Variants in ADPRHL1 observed in about 807,000 individuals in gnomAD.
The protein encoded by ADPRHL1 is inactive ADP-ribosyltransferase ARH2.
Under a neutral mutation model 44.1 loss-of-function variants are expected in ADPRHL1, and 43 were observed. The ratio of observed to expected loss-of-function variants is 0.98; its 90% CI spans 0.76 to 1.26. The LOEUF (loss-of-function observed/expected upper bound fraction) is 1.26, where lower values mean the gene tolerates loss of function less well. ADPRHL1 is among the 50% of genes most tolerant of loss of function. The pLI, the probability that ADPRHL1 is intolerant of heterozygous loss-of-function variation, is 0.00. For synonymous variants in ADPRHL1, 878 were observed against 1,017.4 expected (o/e 0.86, Z 2.61); for missense variants, 2,022 against 2,496.9 (o/e 0.81, Z 4.05).
At chr13:113,450,281 C>T (rs1438170983) in intron 1 of ADPRHL1, among the ~76,000 whole-genome samples, 1 of 152,132 alleles carries the variant, frequency 6.6e-6, no homozygotes, top group Admixed American at 6.5e-5. Context: ...ATTTAAAGAA[C>T]AAAGATAAAC....
intron 1 of ADPRHL1, among the ~76,000 whole-genome samples, chr13:113,448,742 C>T (rs1347241762): frequency 6.6e-6 from 1 of 152,216 alleles, no homozygotes; most frequent in East Asian, 1.9e-4. Context: ...AGGGCAGAGA[C>T]ATGTCAGATG....
rs1595537269 is a variant in ADPRHL1, at chr13:113,409,268, C to T, written c.1062-1048G>A. On this transcript the variant is annotated intron_variant, in intron 7 of 7. Coordinates refer to ENST00000612156, the MANE Select transcript of ADPRHL1 (RefSeq NM_001394807.1). This position sits in a 1 kb window ranked among gnomAD's most constrained non-coding sequence, Gnocchi z 4.2. Reference sequence around the variant, plus strand: ...CCACAGGAGCAAAGCTGGAAGGTCTCCCCATCTGTGGCAGGGGGTGGAGCC... The same window carrying T: ...CCACAGGAGCAAAGCTGGAAGGTCTTCCCATCTGTGGCAGGGGGTGGAGCC... 1.0e-6 allele frequency: 1 copy of T among 984,516 alleles called. No individual in the cohort carries two copies. The highest frequency in any genetic ancestry group is 1.2e-6 in the Non-Finnish European group (1 of 829,244). 61.0% of individuals were successfully genotyped at this position (984,516 alleles called of 1,614,324 possible). A position where few individuals can be genotyped will look rare whatever the true frequency, so the allele number is the denominator to read the frequency against.
chr13:113,428,912 T>A lies in ADPRHL1; in HGVS notation c.646+40A>T, dbSNP rs746937234. 50 of 1,609,812 alleles carry A rather than the reference T, an allele frequency of 3.1e-5. No individual in the cohort carries two copies. The Admixed American group carries it at 8.2e-4, about 26-fold the overall frequency. On this transcript the variant is annotated intron_variant, in intron 4 of 7. Coordinates refer to ENST00000612156, the MANE Select transcript of ADPRHL1 (RefSeq NM_001394807.1). ...CATGGAGGGGCTGGATCTGTCCAGA[T>A]CTGCTCTGAGTGCGGACTGGGGCCG...
At chr13:113,429,113 A>AGG (rs386380796) in intron 3 of ADPRHL1, 21 bp from the exon 4 acceptor site, 6 of 1,601,766 alleles carry the variant, frequency 3.7e-6, no homozygotes, top group East Asian at 4.5e-5. Flanking sequence ...GGGAAGAGAG[A>AGG]GGGGGCACCA....
At chr13:113,435,130 C>A (rs2044041205) in intron 2 of ADPRHL1, among the ~76,000 whole-genome samples, 2 of 121,396 alleles carry the variant, frequency 1.6e-5, no homozygotes, top group South Asian at 6.0e-4. Context: ...CATAGGTGTA[C>A]CCCAGGACCC....
intron 1 of ADPRHL1, among the ~76,000 whole-genome samples, chr13:113,448,290 C>T (rs572494236): frequency 3.3e-5 from 5 of 151,742 alleles, no homozygotes; most frequent in African/African-American, 1.2e-4. Flanking sequence ...GTCAGGAGTT[C>T]GAGACCAGCC....
chr13:113,412,176 C>G (rs956397988), intron 7 of ADPRHL1, among the ~76,000 whole-genome samples: 2 of 152,122 alleles, frequency 1.3e-5, no homozygotes, highest in Non-Finnish European at 2.9e-5. Context: ...TGTCACAGCA[C>G]TATAATTTGC....
Position 113,407,583 on chromosome 13 carries a change from C to G in ADPRHL1, c.1699G>C (p.Ala567Pro). ...QNSCLCSEAS[A>P]LRLHTQERKK... is the part of the protein sequence containing the mutation. ...CGCTCCTGCGTGTGCAGCCTCAGCG[C>G]ACTGGCCTCGGAGCACAGGCAGCTG... is the stretch of plus-strand genomic sequence containing the variant. Residue 567 changes from alanine to proline, a missense_variant, in exon 8 of 8, where the codon GCG becomes CCG. Physicochemically the swap from Ala to Pro is conservative, Grantham distance 27 (BLOSUM62 -1). This residue lies in a region of ADPRHL1 where 1,221 missense variants were observed against 1,517.8 expected (regional missense o/e 0.80). Coordinates refer to ENST00000612156, the MANE Select transcript of ADPRHL1 (RefSeq NM_001394807.1). 8.1e-7 allele frequency: 1 copy of G among 1,232,220 alleles called. No individual in the cohort carries two copies. Among genetic ancestry groups the G allele is most frequent in the South Asian group, 4.1e-5 (1 of 24,328 alleles). The allele number at this position is 1,232,220 out of a possible 1,614,324, so 76.3% of individuals were successfully genotyped here. A position where few individuals can be genotyped will look rare whatever the true frequency, so the allele number is the denominator to read the frequency against.
chr13:113,403,300 G>C lies in ADPRHL1; in HGVS notation c.*78C>G. 1 of 1,165,304 alleles carries C rather than the reference G, an allele frequency of 8.6e-7. No individual in the cohort carries two copies. The highest frequency in any genetic ancestry group is 1.1e-6 in the Non-Finnish European group (1 of 927,774). 72.2% of individuals were successfully genotyped at this position (1,165,304 alleles called of 1,614,324 possible). On this transcript the variant is annotated 3_prime_UTR_variant, in exon 8 of 8. Transcript: ENST00000612156. ...GTAGGGGATGCTCCAAGACGCATTT[G>C]GAGGCAGGAAAATGCCTGAAGTCCC... is the stretch of plus-strand genomic sequence containing the variant.
At chr13:113,417,630 G>A (rs1247494897) in intron 7 of ADPRHL1, among the ~76,000 whole-genome samples, 4 of 152,228 alleles carry the variant, frequency 2.6e-5, no homozygotes, top group Non-Finnish European at 2.9e-5. Context: ...TGTGGCACAC[G>A]AATCCCGAGA....
rs140578149 is a variant in ADPRHL1, at chr13:113,405,755, G to A, written c.3527C>T (p.Ala1176Val). 458 of 1,231,852 alleles carry A rather than the reference G, an allele frequency of 3.7e-4. 3 individuals carry two copies. The East Asian group carries it at 0.012, about 34-fold the overall frequency. The allele number at this position is 1,231,852 out of a possible 1,614,324, so 76.3% of individuals were successfully genotyped here. ...CTTGGGCTCCAAGGATCCCCCAGGG[G>A]CCAGGAGGCCGTGGCTGTGAGGGTC... is the stretch of plus-strand genomic sequence containing the variant. ...PRDPHSHGLL[A>V]PGGSLEPKSG... The change falls in exon 8 of 8, where the codon GCC (alanine) becomes GTC (valine). Residue 1176 changes from alanine (A) to valine (V), a missense_variant. This residue lies in a region of ADPRHL1 where 1,221 missense variants were observed against 1,517.8 expected (regional missense o/e 0.80). Transcript: ENST00000612156.
chr13:113,425,238 C>A, intron 4 of ADPRHL1, 59 bp from the exon 5 acceptor site: 4 of 189,936 alleles, frequency 2.1e-5, no homozygotes, highest in African/African-American at 1.1e-4. Context: ...GGGGCGGGTG[C>A]AGGGAGTTGG....
chr13:113,416,558 T>C (rs7995459), intron 7 of ADPRHL1, among the ~76,000 whole-genome samples: 68,610 of 151,750 alleles, frequency 0.45, 16,141 homozygotes, highest in African/African-American at 0.55. Flanking sequence ...CTGCCTAGGG[T>C]CCCTCAGTAC....
Position 113,406,581 on chromosome 13 carries a change from C to A in ADPRHL1, c.2701G>T (p.Glu901Ter). The A allele has an allele frequency of 8.1e-7, 1 of 1,232,044 alleles. No individual in the cohort carries two copies. Among genetic ancestry groups the A allele is most frequent in the Non-Finnish European group, 1.0e-6 (1 of 987,974 alleles). The allele number at this position is 1,232,044 out of a possible 1,614,324, so 76.3% of individuals were successfully genotyped here. A position where few individuals can be genotyped will look rare whatever the true frequency, so the allele number is the denominator to read the frequency against. ...TGCATCCCTGAAAGCTTGCTCAGTT[C>A]CACTGGGGCTCGGTGACCCCTTCTG... ...ENRRGHRAPV[E>*]LSKLSGMQAG... is the part of the protein sequence containing the mutation. The change falls in exon 8 of 8, where the codon GAA becomes TAA. Residue 901 changes from glutamate (E) to a stop codon, truncating the protein, a stop_gained. Transcript: ENST00000612156. LOFTEE classifies it low-confidence loss of function (END_TRUNC).
Position 113,407,227 on chromosome 13 carries a change from G to A in ADPRHL1, c.2055C>T (p.Pro685=). ...LEEEPQRQPR[P]SKPVTPQVMA... ...TCACCTGGGGTGTCACGGGCTTCGA[G>A]GGCCTTGGCTGTCTTTGGGGCTCCT... is the stretch of plus-strand genomic sequence containing the variant. Residue 685 remains proline (P), a synonymous_variant, in exon 8 of 8, where the codon CCC becomes CCT. Transcript: ENST00000612156. The A allele has an allele frequency of 8.1e-7, 1 of 1,232,192 alleles. No homozygotes were observed. The highest frequency in any genetic ancestry group is 1.0e-6 in the Non-Finnish European group (1 of 988,072). The allele number at this position is 1,232,192 out of a possible 1,614,324, so 76.3% of individuals were successfully genotyped here.
intron 1 of ADPRHL1, among the ~76,000 whole-genome samples, chr13:113,450,944 A>T (rs1449865017): frequency 1.4e-5 from 2 of 142,560 alleles, no homozygotes; most frequent in African/African-American, 5.8e-5. Context: ...TCCCCTGGGG[A>T]AAGGGAGACC....
chr13:113,439,940 C>T (rs916718949), intron 2 of ADPRHL1, among the ~76,000 whole-genome samples: 3 of 152,180 alleles, frequency 2.0e-5, no homozygotes, highest in South Asian at 2.1e-4. Context: ...TTACTCCTCT[C>T]GTTCATAGTG....
intron 2 of ADPRHL1, among the ~76,000 whole-genome samples, chr13:113,437,452 G>A (rs1378597911): frequency 5.9e-5 from 9 of 152,150 alleles, no homozygotes; most frequent in Admixed American, 2.0e-4. Context: ...CCCTGAAGCC[G>A]CCGGTGCCCT....
At position 113,444,593 on chromosome 13, in the gene ADPRHL1, C is replaced by A. The variant is rs199718907; in HGVS notation, c.215-4G>T. On this transcript the variant is annotated splice_region_variant and splice_polypyrimidine_tract_variant and intron_variant, in intron 1 of 7. Coordinates refer to ENST00000612156, the MANE Select transcript of ADPRHL1 (RefSeq NM_001394807.1). ...AGATCATCCAGGCACCAGTAGTCTG[C>A]GGAAGAAAGGGAGGGCAGACATCAG... 25 of 1,611,958 alleles carry A rather than the reference C, an allele frequency of 1.6e-5. No homozygotes were observed. The highest frequency in any genetic ancestry group is 2.1e-5 in the Non-Finnish European group (25 of 1,178,594).
Sources: allele counts gnomAD v4.1 joint callset (sites outside exome capture counted in the v4.1 genomes callset), GRCh38; gene constraint gnomAD v4.1.1; regional missense constraint gnomAD v4.1.1; non-coding constraint Gnocchi (gnomAD v3.1); transcripts MANE v1.5; gene names NCBI Gene and HGNC (gene_info 2026-07-23, HGNC 2026-07-21).